Variants in CR1 observed in about 807,000 individuals in gnomAD.
CR1 encodes complement receptor type 1.
Under a neutral mutation model 187.3 loss-of-function variants are expected in CR1, and 116 were observed. The ratio of observed to expected loss-of-function variants is 0.62; its 90% confidence interval spans 0.53 to 0.72. The LOEUF is 0.72. Ranked by LOEUF, CR1 falls within the 30% of genes least tolerant of loss-of-function variation. The pLI, the probability that CR1 is intolerant of heterozygous loss-of-function variation, is 0.00. For synonymous variants in CR1, 576 were observed against 747.1 expected (o/e 0.77, Z 3.73); for missense variants, 1,731 against 2,110.7 (o/e 0.82, Z 3.52).
intron 1 of CR1, 24 bp downstream of exon 1, chr1:207,496,412 A>G: frequency 6.3e-7 from 1 of 1,589,702 alleles, no homozygotes; most frequent in Non-Finnish European, 8.6e-7. Context: ...GGGCGTGGGG[A>G]GGCGCCCGGG....
rs1156448710 is a variant in CR1, at chr1:207,617,612, TAGAGAGAGAGAGAGAGAG to T, written c.6890-425_6890-408del. Among the ~76,000 whole-genome samples, 203 of 21,996 alleles carry T rather than the reference TAGAGAGAGAGAGAGAGAG, an allele frequency of 9.2e-3. 2 individuals carry two copies. Among genetic ancestry groups the T allele is most frequent in the African/African-American group, 0.031 (177 of 5,688 alleles). 14.4% of individuals were successfully genotyped at this position (21,996 alleles called of 152,430 possible). A position where few individuals can be genotyped will look rare whatever the true frequency, so the allele number is the denominator to read the frequency against. ...ATATATATATATATATATATATATA[TAGAGAGAGAGAGAGAGAG>T]AGAGAGAGAGAGAGAGAGAGAGAGA... is the stretch of plus-strand genomic sequence containing the variant. On this transcript the variant is annotated intron_variant, in intron 41 of 46. Transcript: ENST00000367049.
At chr1:207,525,888 T>A (rs1295471014) in intron 5 of CR1, among the ~76,000 whole-genome samples, 1 of 151,932 alleles carries the variant, frequency 6.6e-6, no homozygotes, top group Non-Finnish European at 1.5e-5. Flanking sequence ...TCTATTCCAA[T>A]CCCCCATTTG....
At chr1:207,635,661 C>T (rs187996349) in intron 46 of CR1, among the ~76,000 whole-genome samples, 4 of 152,280 alleles carry the variant, frequency 2.6e-5, no homozygotes, top group East Asian at 1.9e-4. Context: ...AGACCCTTTA[C>T]GGGTGTCAGG....
intron 35 of CR1, 25 bp downstream of exon 35, chr1:207,588,799 A>C: frequency 6.6e-7 from 1 of 1,510,326 alleles, no homozygotes; most frequent in Non-Finnish European, 9.1e-7. Flanking sequence ...CCATCTCTTG[A>C]ATATGAGTTC....
Position 207,639,996 on chromosome 1 carries a change from A to G in CR1, c.*587A>G, listed in dbSNP as rs1486701165. On this transcript the variant is annotated 3_prime_UTR_variant, in exon 47 of 47. Coordinates refer to ENST00000367049, the MANE Select transcript of CR1 (RefSeq NM_000651.6). ...AGTCTTTTAAACAGTTTAGAGTGAA[A>G]TATATGCTATATCAGTTTTTACTTT... 6.6e-6 allele frequency: 1 copy of G among 152,248 alleles called. No homozygotes were observed. Among genetic ancestry groups the G allele is most frequent in the African/African-American group, 2.4e-5 (1 of 41,446 alleles). The allele number at this position is 152,248 out of a possible 1,614,324, so 9.4% of individuals were successfully genotyped here. A position where few individuals can be genotyped will look rare whatever the true frequency, so the allele number is the denominator to read the frequency against.
At chr1:207,513,063 T>C (rs1438638419) in intron 4 of CR1, among the ~76,000 whole-genome samples, 1 of 152,216 alleles carries the variant, frequency 6.6e-6, no homozygotes, top group African/African-American at 2.4e-5. Context: ...AACAATGAAC[T>C]TCTTTTGCAA....
At chr1:207,603,730 G>T (rs1195509350) in intron 35 of CR1, among the ~76,000 whole-genome samples, 1 of 152,056 alleles carries the variant, frequency 6.6e-6, no homozygotes, top group African/African-American at 2.4e-5. Context: ...TTTAGTGGTT[G>T]CATTTTGGTT....
intron 45 of CR1, among the ~76,000 whole-genome samples, chr1:207,629,919 C>A (rs12041437): frequency 0.47 from 71,644 of 152,062 alleles, 18,858 homozygotes; most frequent in Non-Finnish European, 0.6. Context: ...AATAATAGTT[C>A]CTACCTTACT....
At position 207,580,965 on chromosome 1, in the gene CR1, A is replaced by G. The variant is rs562164175; in HGVS notation, c.5216+352A>G. On this transcript the variant is annotated intron_variant, in intron 31 of 46. Transcript: ENST00000367049. The stretch of plus-strand genomic sequence containing the variant: ...CAGCTGGATCCATGAACAGAAGTTT[A>G]AAAAGCAAAAAGCTCAACTCATTTG... 3.3e-5 allele frequency among the ~76,000 whole-genome samples: 5 copies of G among 152,320 alleles called. No homozygotes were observed. The East Asian group carries it at 5.8e-4, about 18-fold the overall frequency.
chr1:207,519,980 G>C (rs1659925110), intron 4 of CR1, among the ~76,000 whole-genome samples: 4 of 152,202 alleles, frequency 2.6e-5, no homozygotes, highest in Admixed American at 2.0e-4. Flanking sequence ...TTTAGGCTGA[G>C]CTTAAACTAC....
chr1:207,617,446 A>G (rs1662140746), intron 41 of CR1, among the ~76,000 whole-genome samples: 1 of 137,096 alleles, frequency 7.3e-6, no homozygotes, highest in African/African-American at 2.7e-5. Flanking sequence ...CTATGTATCA[A>G]ACCTGCACAT....
At chr1:207,497,748 A>G (rs995888283) in intron 1 of CR1, among the ~76,000 whole-genome samples, 1 of 152,188 alleles carries the variant, frequency 6.6e-6, no homozygotes, top group Non-Finnish European at 1.5e-5. Flanking sequence ...TACTTAGCCT[A>G]TGTTGATTAA....
intron 4 of CR1, among the ~76,000 whole-genome samples, chr1:207,514,363 A>G (rs1659719395): frequency 6.6e-6 from 1 of 152,132 alleles, no homozygotes; most frequent in South Asian, 2.1e-4. Flanking sequence ...TGAACGTTTG[A>G]GTCCACCCCA....
At position 207,611,847 on chromosome 1, in the gene CR1, T is replaced by G; in HGVS notation, c.6466T>G (p.Cys2156Gly). 1 of 1,614,002 alleles carries G rather than the reference T, an allele frequency of 6.2e-7. No individual in the cohort carries two copies. Among genetic ancestry groups the G allele is most frequent in the South Asian group, 1.1e-5 (1 of 91,082 alleles). The change falls in exon 38 of 47, where the codon TGT (cysteine) becomes GGT (glycine). Residue 2156 changes from cysteine (C) to glycine (G), a missense_variant. Cys to Gly is a radical substitution (Grantham distance 159, BLOSUM62 -3). This residue lies in a region of CR1 where 1,312 missense variants were observed against 1,379.6 expected (regional missense o/e 0.95). Coordinates refer to ENST00000367049, the MANE Select transcript of CR1 (RefSeq NM_000651.6). ...QGDWSPEAPR[C>G]TVKSCDDFLG... ...AGACTGGAGCCCTGAAGCCCCTAGATGTACAGGTGCCTTGACTCTCTGGCT... is the reference window on the plus strand; with the variant it reads ...AGACTGGAGCCCTGAAGCCCCTAGAGGTACAGGTGCCTTGACTCTCTGGCT...
At chr1:207,589,812 A>C (rs1305164934) in intron 35 of CR1, among the ~76,000 whole-genome samples, 1 of 152,260 alleles carries the variant, frequency 6.6e-6, no homozygotes, top group Non-Finnish European at 1.5e-5. Context: ...CAAGAACTTC[A>C]TGAAGCATAC....
In CR1 at chr1:207,578,202, G is replaced by A. The variant is rs1271856175; in HGVS notation, c.4935G>A (p.Arg1645=). ...AGCCAGAGTTACCAAGCTGCTCCAG[G>A]GGTGAGTCTGACTGATGCCTAGAAG... ...KWEPELPSCS[R]VCQPPPEILH... Residue 1645 remains arginine, a splice_region_variant and synonymous_variant, in exon 29 of 47, where the codon AGG becomes AGA. Transcript: ENST00000367049. 3.1e-6 allele frequency: 5 copies of A among 1,611,858 alleles called. No homozygotes were observed. The highest frequency in any genetic ancestry group is 4.2e-6 in the Non-Finnish European group (5 of 1,179,716).
At position 207,575,578 on chromosome 1, in the gene CR1, C is replaced by T. The variant is rs755316343; in HGVS notation, c.4452-17C>T. On this transcript the variant is annotated splice_polypyrimidine_tract_variant and intron_variant, in intron 27 of 46. Transcript: ENST00000367049. ...GAGGTATGTACAGGACAATGATTTT[C>T]CATTTTTTGCCTTTAGGCACCGACT... 5.0e-6 allele frequency: 8 copies of T among 1,611,846 alleles called. No homozygotes were observed. The East Asian group carries it at 1.8e-4, about 36-fold the overall frequency.
At chr1:207,597,651 A>G (rs1661485778) in intron 35 of CR1, among the ~76,000 whole-genome samples, 1 of 152,226 alleles carries the variant, frequency 6.6e-6, no homozygotes, top group Non-Finnish European at 1.5e-5. Flanking sequence ...TGCTGGTGGA[A>G]ATGTAAAATG....
At chr1:207,524,115 G>T in intron 5 of CR1, 106 bp downstream of exon 5, 1 of 1,597,252 alleles carries the variant, frequency 6.3e-7, no homozygotes, top group Non-Finnish European at 8.5e-7. Flanking sequence ...GAGCAGGGTC[G>T]AGGAGCAAAT....
Sources: gnomAD v4.1 joint callset for allele counts (sites outside exome capture counted in the v4.1 genomes callset) on GRCh38, gnomAD v4.1.1 for gene constraint, gnomAD v4.1.1 regional missense constraint, MANE v1.5 for transcripts, NCBI Gene and HGNC (gene_info 2026-07-23, HGNC 2026-07-21) for gene names.